The following LRRC7 variants were observed in gnomAD, a reference collection of about 807,000 sequenced individuals.
The protein encoded by LRRC7 is leucine rich repeat containing 7, also known as leucine-rich repeat-containing protein 7.
A neutral mutation model predicts 175.7 loss-of-function variants in LRRC7; 23 were observed. The ratio of observed to expected loss-of-function variants is 0.13; its 90% CI spans 0.09 to 0.19. LRRC7 has a LOEUF of 0.19. LRRC7 is among the 10% of genes least tolerant of loss of function. The probability of loss-of-function intolerance (pLI) is 1.00; values close to 1 mark genes in which losing one functional copy is unlikely to be tolerated. For missense variants in LRRC7, 1,354 were observed against 1,904.7 expected (o/e 0.71, Z 5.38); for synonymous variants, 685 against 680.9 (o/e 1.01, Z -0.09).
chr1:69,667,309 C>G (rs1658408819), intron 1 of LRRC7, among the ~76,000 whole-genome samples: 1 of 149,074 alleles, frequency 6.7e-6, no homozygotes, highest in Non-Finnish European at 1.5e-5. Flanking sequence ...CTGTAAATAT[C>G]TATTAGGTCA....
intron 1 of LRRC7, among the ~76,000 whole-genome samples, chr1:69,587,360 G>A (rs1343028898): frequency 6.6e-6 from 1 of 151,996 alleles, no homozygotes; most frequent in Non-Finnish European, 1.5e-5. Context: ...ATTCCAGTGG[G>A]CCCTGAGTGG....
At chr1:70,082,019 A>C (rs966381173) in intron 24 of LRRC7, among the ~76,000 whole-genome samples, 1 of 152,228 alleles carries the variant, frequency 6.6e-6, no homozygotes, top group African/African-American at 2.4e-5. Context: ...CCTGGAAGAA[A>C]TCACTTTAAT....
chr1:70,118,160 T>C (rs1232273913), intron 26 of LRRC7, among the ~76,000 whole-genome samples: 1 of 151,790 alleles, frequency 6.6e-6, no homozygotes, highest in Admixed American at 6.6e-5. Flanking sequence ...TTATTTTAAC[T>C]GGAGAAGCCC....
At chr1:69,835,202 G>GA (rs1190457566) in intron 6 of LRRC7, among the ~76,000 whole-genome samples, 37 of 151,572 alleles carry the variant, frequency 2.4e-4, no homozygotes, top group African/African-American at 8.7e-4. Flanking sequence ...TAGAAGCAAA[G>GA]AAAAATATCA....
intron 7 of LRRC7, among the ~76,000 whole-genome samples, chr1:69,864,177 T>C (rs1684660224): frequency 6.6e-6 from 1 of 152,206 alleles, no homozygotes. Flanking sequence ...AAGAAAATAA[T>C]AATAATTTCA....
intron 3 of LRRC7, among the ~76,000 whole-genome samples, chr1:69,764,441 G>A (rs537945986): frequency 1.3e-5 from 2 of 151,880 alleles, no homozygotes; most frequent in South Asian, 2.1e-4. Context: ...AGTGAATTTG[G>A]TAGATGAAAT....
intron 1 of LRRC7, among the ~76,000 whole-genome samples, chr1:69,655,197 A>AT (rs1235324676): frequency 1.3e-5 from 2 of 152,118 alleles, no homozygotes; most frequent in Admixed American, 6.6e-5. Flanking sequence ...ATGGTTGAAT[A>AT]TATTTACTAC....
intron 3 of LRRC7, among the ~76,000 whole-genome samples, chr1:69,761,520 A>G (rs1292363192): frequency 6.6e-6 from 1 of 152,024 alleles, no homozygotes; most frequent in Non-Finnish European, 1.5e-5. Flanking sequence ...TACTTCAAAA[A>G]CAATATACTT....
rs10526637 is a variant in LRRC7, at chr1:70,136,075, C to CTG, written c.*14210_*14211dup. 5.4e-5 allele frequency among the ~76,000 whole-genome samples: 8 copies of CTG among 149,254 alleles called. No individual in the cohort carries two copies. Among genetic ancestry groups the CTG allele is most frequent in the South Asian group, 2.1e-4 (1 of 4,680 alleles). On this transcript the variant is annotated 3_prime_UTR_variant, in exon 27 of 27. Transcript: ENST00000651989. ...TCTCTGTGTGTGTCTGTGTGTGTGT[C>CTG]TGTGTGTGTGTGTGTGTGTGTGTCT...
intron 1 of LRRC7, among the ~76,000 whole-genome samples, chr1:69,604,906 TAACAA>T (rs2101007985): frequency 6.6e-6 from 1 of 152,326 alleles, no homozygotes; most frequent in South Asian, 2.1e-4. Context: ...CATGCACGTG[TAACAA>T]AATGTTAAAA....
At chr1:69,734,338 T>C (rs1667888774) in intron 2 of LRRC7, among the ~76,000 whole-genome samples, 1 of 151,898 alleles carries the variant, frequency 6.6e-6, no homozygotes, top group African/African-American at 2.4e-5. Context: ...ATGCAGTTTG[T>C]TGAGCTTTTT....
At chr1:69,610,155 G>A (rs1648470371) in intron 1 of LRRC7, among the ~76,000 whole-genome samples, 1 of 151,774 alleles carries the variant, frequency 6.6e-6, no homozygotes, top group Admixed American at 6.6e-5. Context: ...TTTCTTTCTT[G>A]CAATTTATTT....
intron 3 of LRRC7, among the ~76,000 whole-genome samples, chr1:69,761,097 C>A (rs1456685541): frequency 6.6e-6 from 1 of 151,904 alleles, no homozygotes; most frequent in African/African-American, 2.4e-5. Flanking sequence ...AAGAGATTAG[C>A]TAAAGCAGAC....
intron 1 of LRRC7, among the ~76,000 whole-genome samples, chr1:69,632,588 T>A (rs998859512): frequency 6.6e-6 from 1 of 152,170 alleles, no homozygotes; most frequent in African/African-American, 2.4e-5. Flanking sequence ...ATTATCATCA[T>A]ATTTTGTTCT....
At chr1:69,909,517 C>T (rs915694401) in intron 7 of LRRC7, among the ~76,000 whole-genome samples, 1 of 151,864 alleles carries the variant, frequency 6.6e-6, no homozygotes, top group Non-Finnish European at 1.5e-5. Context: ...TTTTTTTTCT[C>T]CTTCACTTAT....
At chr1:69,803,681 G>C (rs1036203506) in intron 4 of LRRC7, among the ~76,000 whole-genome samples, 2 of 151,282 alleles carry the variant, frequency 1.3e-5, no homozygotes, top group Non-Finnish European at 3.0e-5. Flanking sequence ...ATCTACCTGT[G>C]ACAATATCCT....
At chr1:70,075,926 A>G (rs983510281) in intron 23 of LRRC7, 151 bp from the exon 24 acceptor site, 10 of 721,096 alleles carry the variant, frequency 1.4e-5, no homozygotes, top group Non-Finnish European at 2.3e-6. Context: ...CAGTAGGCAG[A>G]CCCTTACTGT....
At chr1:69,754,565 C>A (rs1165248356) in intron 2 of LRRC7, among the ~76,000 whole-genome samples, 1 of 151,934 alleles carries the variant, frequency 6.6e-6, no homozygotes, top group African/African-American at 2.4e-5. Flanking sequence ...ATGCTTACAA[C>A]TTGAAGATAC....
chr1:69,695,525 T>C (rs539337352), intron 2 of LRRC7, among the ~76,000 whole-genome samples: 1 of 152,294 alleles, frequency 6.6e-6, no homozygotes, highest in African/African-American at 2.4e-5. Flanking sequence ...CACCACCTGC[T>C]AGAGAGCTTT....
Sources: allele counts gnomAD v4.1 joint callset (sites outside exome capture counted in the v4.1 genomes callset), GRCh38; gene constraint gnomAD v4.1.1; transcripts MANE v1.5; gene names NCBI Gene and HGNC (gene_info 2026-07-23, HGNC 2026-07-21).